Variants in PHACTR2 observed in about 807,000 individuals in gnomAD.
PHACTR2 encodes chromosome 6 open reading frame 56.
A neutral mutation model predicts 76.0 loss-of-function variants in PHACTR2; 30 were observed. The observed-to-expected ratio is 0.39, with a 90% CI of 0.30 to 0.54. The LOEUF is 0.54. Ranked by LOEUF, PHACTR2 falls within the 20% of genes least tolerant of loss-of-function variation. The pLI, the probability that PHACTR2 is intolerant of heterozygous loss-of-function variation, is 0.61. For missense variants in PHACTR2, 696 were observed against 781.1 expected, an observed-to-expected ratio of 0.89 and a Z score of 1.30; for synonymous variants, 292 against 292.5, an observed-to-expected ratio of 1.00 and a Z score of 0.02.
At chr6:143,725,315 C>T (rs1163856578) in intron 2 of PHACTR2, among the ~76,000 whole-genome samples, 3 of 149,004 alleles carry the variant, frequency 2.0e-5, no homozygotes, top group Non-Finnish European at 4.4e-5. Context: ...ATTCTCCTGC[C>T]TCAGCCTCCC....
intron 1 of PHACTR2, among the ~76,000 whole-genome samples, chr6:143,705,014 G>A (rs1778015418): frequency 6.6e-6 from 1 of 151,668 alleles, no homozygotes; most frequent in African/African-American, 2.4e-5. Context: ...TTTTAGTAGA[G>A]ACAGGGTTTC....
rs570347597 is a variant in PHACTR2, at chr6:143,767,758, G to T, written c.1232+1960G>T. Among the ~76,000 whole-genome samples the T allele has an allele frequency of 6.6e-6, 1 of 152,270 alleles. No homozygotes were observed. Among genetic ancestry groups the T allele is most frequent in the Non-Finnish European group, 1.5e-5 (1 of 68,026 alleles). ...AAATGGCATTAATCTATTCACGAGG[G>T]CAGAGCCTTCATGACTTAAACACCT... On this transcript the variant is annotated intron_variant, in intron 6 of 12. Coordinates refer to ENST00000440869, the MANE Select transcript of PHACTR2 (RefSeq NM_001100164.2). The surrounding 1 kb of genome is among the most constrained non-coding windows in gnomAD (Gnocchi z 4.4).
chr6:143,569,321 C>T lies in PHACTR2; in HGVS notation c.217+32114C>T, dbSNP rs141458471. 4.8e-4 allele frequency among the ~76,000 whole-genome samples: 73 copies of T among 152,236 alleles called. No homozygotes were observed. The East Asian group carries it at 0.011, about 23-fold the overall frequency. ...AATCATAGCCACAGGATGGTGGAGC[C>T]GCCATTGGCCTCAACTCTGAGTCAC... On this transcript the variant is annotated intron_variant, in intron 1 of 11. Transcript: ENST00000367584.
In PHACTR2 at chr6:143,656,903, A is replaced by G. The variant is rs974214085; in HGVS notation, c.13+48581A>G. The stretch of plus-strand genomic sequence containing the variant: ...TGATTGGCCACACGAAAATTTAAAT[A>G]TTATGAATGTTGAATGGCCAACCAT... On this transcript the variant is annotated intron_variant, in intron 1 of 11. Transcript: ENST00000305766. The surrounding 1 kb of genome is among the most constrained non-coding windows in gnomAD (Gnocchi z 5.3). Among the ~76,000 whole-genome samples, 2 of 152,192 alleles carry G rather than the reference A, an allele frequency of 1.3e-5. No individual in the cohort carries two copies. Among genetic ancestry groups the G allele is most frequent in the Non-Finnish European group, 2.9e-5 (2 of 68,026 alleles).
At chr6:143,693,341 G>A (rs572486254) in intron 1 of PHACTR2, among the ~76,000 whole-genome samples, 7 of 152,088 alleles carry the variant, frequency 4.6e-5, no homozygotes, top group East Asian at 1.9e-4. Context: ...AGGTTCCAGC[G>A]GTTCTCCTGC....
At chr6:143,714,559 A>G (rs1051542523) in intron 2 of PHACTR2, among the ~76,000 whole-genome samples, 20 of 152,252 alleles carry the variant, frequency 1.3e-4, no homozygotes, top group African/African-American at 4.3e-4. Flanking sequence ...ATCTTGCCCT[A>G]TAAGGCAGGC....
intron 1 of PHACTR2, among the ~76,000 whole-genome samples, chr6:143,670,918 A>C (rs1777142702): frequency 7.1e-6 from 1 of 140,328 alleles, no homozygotes; most frequent in African/African-American, 2.9e-5. Context: ...GAGGAGAAGA[A>C]GGCCAAGGCC....
intron 1 of PHACTR2, among the ~76,000 whole-genome samples, chr6:143,566,119 T>C (rs1226247932): frequency 1.3e-5 from 2 of 150,962 alleles, no homozygotes; most frequent in Non-Finnish European, 3.0e-5. Context: ...GTGCACATCA[T>C]GCCCTGCTAA....
rs977734827 is a variant in PHACTR2 at position 143,646,661 on chromosome 6, A to G, written c.13+38339A>G. On this transcript the variant is annotated intron_variant, in intron 1 of 11. Coordinates refer to the PHACTR2 transcript ENST00000305766. The surrounding 1 kb of genome is among the most constrained non-coding windows in gnomAD (Gnocchi z 4.1). ...CTTTTCTTGAAATGTCAAGAAGGGC[A>G]GGTGTACTCTGACCTCAGCTTTAAG... is the stretch of plus-strand genomic sequence containing the variant. Among the ~76,000 whole-genome samples, 36 of 152,320 alleles carry G rather than the reference A, an allele frequency of 2.4e-4. No homozygotes were observed. Among genetic ancestry groups the G allele is most frequent in the African/African-American group, 8.7e-4 (36 of 41,570 alleles).
chr6:143,577,573 C>T (rs1043237705), intron 1 of PHACTR2, among the ~76,000 whole-genome samples: 14 of 152,226 alleles, frequency 9.2e-5, no homozygotes, highest in African/African-American at 3.1e-4. Context: ...TTTTCAGTTT[C>T]GCTGGAATTA....
Position 143,589,464 on chromosome 6 carries a change from G to A in PHACTR2, c.217+52257G>A, listed in dbSNP as rs1775663970. Among the ~76,000 whole-genome samples, 1 of 152,072 alleles carries A rather than the reference G, an allele frequency of 6.6e-6. No individual in the cohort carries two copies. The highest frequency in any genetic ancestry group is 1.5e-5 in the Non-Finnish European group (1 of 68,010). On this transcript the variant is annotated intron_variant, in intron 1 of 11. Transcript: ENST00000367584. This position sits in a 1 kb window ranked among gnomAD's most constrained non-coding sequence, Gnocchi z 4.4. ...TGAGGCCTCCCCAGTCATGCTTCCT[G>A]TACAGCCTGTGGAACCATGAGCCAA...
chr6:143,809,271 G>A lies in PHACTR2; in HGVS notation c.1922+2138G>A, dbSNP rs1455401466. Reference sequence around the variant, plus strand: ...ATTTATACTAAAAGAGGTTCTTTCTGTTCTGTTGTACTCTATATGAAGAAG... The same window carrying A: ...ATTTATACTAAAAGAGGTTCTTTCTATTCTGTTGTACTCTATATGAAGAAG... On this transcript the variant is annotated intron_variant, in intron 12 of 12. Coordinates refer to ENST00000440869, the MANE Select transcript of PHACTR2 (RefSeq NM_001100164.2). This position sits in a 1 kb window ranked among gnomAD's most constrained non-coding sequence, Gnocchi z 4.2. Among the ~76,000 whole-genome samples the A allele has an allele frequency of 6.6e-6, 1 of 152,178 alleles. No individual in the cohort carries two copies. The highest frequency in any genetic ancestry group is 1.5e-5 in the Non-Finnish European group (1 of 68,028).
Position 143,596,466 on chromosome 6 carries a change from GC to G in PHACTR2, c.217+59261del, listed in dbSNP as rs1461559026. On this transcript the variant is annotated intron_variant, in intron 1 of 11. Coordinates refer to the PHACTR2 transcript ENST00000367584. This position sits in a 1 kb window ranked among gnomAD's most constrained non-coding sequence, Gnocchi z 4.6. ...GAATATCAGTAATAAATGCTTAACA[GC>G]CAGTGTTTTTGAGTGGATAATATAA... Among the ~76,000 whole-genome samples the G allele has an allele frequency of 6.6e-6, 1 of 152,112 alleles. No homozygotes were observed. The highest frequency in any genetic ancestry group is 2.4e-5 in the African/African-American group (1 of 41,402).
rs1402350575 is a variant in PHACTR2 at position 143,821,808 on chromosome 6, T to G, written c.1923-1866T>G. Among the ~76,000 whole-genome samples, 1 of 152,146 alleles carries G rather than the reference T, an allele frequency of 6.6e-6. No homozygotes were observed. The highest frequency in any genetic ancestry group is 1.5e-5 in the Non-Finnish European group (1 of 68,014). ...GAGTTTGAGAACAGCCTGAGCAACA[T>G]AGCAAAACCCCATTTCTACTAAAAA... On this transcript the variant is annotated intron_variant, in intron 12 of 12. Transcript: ENST00000440869. This position sits in a 1 kb window ranked among gnomAD's most constrained non-coding sequence, Gnocchi z 5.2.
In PHACTR2 at chr6:143,663,578, A is replaced by G. The variant is rs1776980011; in HGVS notation, c.14-48438A>G. On this transcript the variant is annotated intron_variant, in intron 1 of 11. Transcript: ENST00000305766. The surrounding 1 kb of genome is among the most constrained non-coding windows in gnomAD (Gnocchi z 4.1). Reference sequence around the variant, plus strand: ...AATAAATGCGATTAAAGCTTTAAATATAGCTCTAATTACCACATTAGCTTA... The same window carrying G: ...AATAAATGCGATTAAAGCTTTAAATGTAGCTCTAATTACCACATTAGCTTA... Among the ~76,000 whole-genome samples the G allele has an allele frequency of 1.3e-5, 2 of 152,156 alleles. No individual in the cohort carries two copies. Among genetic ancestry groups the G allele is most frequent in the African/African-American group, 4.8e-5 (2 of 41,454 alleles).
At chr6:143,655,437 C>T in intron 1 of PHACTR2, among the ~76,000 whole-genome samples, 1 of 152,054 alleles carries the variant, frequency 6.6e-6, no homozygotes, top group Non-Finnish European at 1.5e-5. Context: ...AACCATTCCA[C>T]TGTATACTTT....
chr6:143,652,794 C>T lies in PHACTR2; in HGVS notation c.13+44472C>T, dbSNP rs961253158. On this transcript the variant is annotated intron_variant, in intron 1 of 11. Transcript: ENST00000305766. The surrounding 1 kb of genome is among the most constrained non-coding windows in gnomAD (Gnocchi z 4.5). ...TAAGTCTTGGCTGTCACACCTGGAC[C>T]GCCTGCTCTGGTCATGTGTGTGTGT... is the stretch of plus-strand genomic sequence containing the variant. Among the ~76,000 whole-genome samples, 4 of 152,146 alleles carry T rather than the reference C, an allele frequency of 2.6e-5. No homozygotes were observed. Among genetic ancestry groups the T allele is most frequent in the South Asian group, 2.1e-4 (1 of 4,832 alleles).
intron 12 of PHACTR2, among the ~76,000 whole-genome samples, chr6:143,812,312 C>T (rs1013140892): frequency 6.6e-6 from 1 of 152,168 alleles, no homozygotes; most frequent in African/African-American, 2.4e-5. Flanking sequence ...GAATGTATTA[C>T]CTAGTCAAAA....
chr6:143,766,378 T>G (rs1488503851), intron 6 of PHACTR2, among the ~76,000 whole-genome samples: 1 of 152,226 alleles, frequency 6.6e-6, no homozygotes, highest in Non-Finnish European at 1.5e-5. Context: ...CCAACATGTC[T>G]TACATAAGAC....
Sources: gnomAD v4.1 joint callset for allele counts (sites outside exome capture counted in the v4.1 genomes callset) on GRCh38, gnomAD v4.1.1 for gene constraint, Gnocchi (gnomAD v3.1) non-coding constraint, MANE v1.5 for transcripts, NCBI Gene and HGNC (gene_info 2026-07-23, HGNC 2026-07-21) for gene names.